Variants in LILRA4 observed in about 807,000 individuals in gnomAD.
The protein encoded by LILRA4 is leukocyte immunoglobulin-like receptor subfamily A member 4.
Under a neutral mutation model 49.5 loss-of-function variants are expected in LILRA4, and 51 were observed. The observed-to-expected ratio is 1.03, with a 90% CI of 0.82 to 1.30. The LOEUF (loss-of-function observed/expected upper bound fraction) is 1.30, where lower values mean the gene tolerates loss of function less well. Among genes scored for constraint, LILRA4 ranks in the 50% most tolerant of loss-of-function variants. LILRA4 has a pLI of 0.00. For missense variants in LILRA4, 624 were observed against 625.6 expected, an observed-to-expected ratio of 1.00 and a Z score of 0.03; for synonymous variants, 272 against 265.6, an observed-to-expected ratio of 1.02 and a Z score of -0.23.
intron 6 of LILRA4, chr19:54,336,456 C>T (rs993336039): frequency 3.3e-6 from 1 of 298,756 alleles, no homozygotes; most frequent in African/African-American, 2.2e-5. Context: ...AGGCTCACCC[C>T]CACCTGCTTG....
Position 54,336,934 on chromosome 19 carries a change from C to T in LILRA4, c.1162G>A (p.Ala388Thr), listed in dbSNP as rs994265901. 4.3e-6 allele frequency: 7 copies of T among 1,614,120 alleles called. No homozygotes were observed. The African/African-American group carries it at 9.3e-5, about 22-fold the overall frequency. ...AEFPMSPVTS[A>T]HAGTYRCYGS... ...TAGCACCTGTAGGTCCCCGCGTGGG[C>T]TGAGGTCACAGGACTCATGGGGAAT... The change falls in exon 6 of 8, where the codon GCC becomes ACC. Residue 388 changes from alanine to threonine, a missense_variant. Ala to Thr is a moderately conservative substitution (Grantham distance 58). Coordinates refer to ENST00000291759, the MANE Select transcript of LILRA4 (RefSeq NM_012276.5).
At chr19:54,334,215 TAAG>T (rs1231555458) in intron 6 of LILRA4, 1 of 507,040 alleles carries the variant, frequency 2.0e-6, no homozygotes. Flanking sequence ...TCAGGATTAG[TAAG>T]AAGAATGATC....
intron 6 of LILRA4, chr19:54,335,171 C>T (rs1050530942): frequency 2.0e-5 from 3 of 152,068 alleles, no homozygotes; most frequent in African/African-American, 7.2e-5. Flanking sequence ...ACATGCTTTG[C>T]ATTTGTGTCT....
chr19:54,333,837 C>A, intron 7 of LILRA4, 72 bp from the exon 8 acceptor site: 1 of 1,606,684 alleles, frequency 6.2e-7, no homozygotes, highest in Non-Finnish European at 8.5e-7. Context: ...TGGATGTCCA[C>A]CCAGGGTACC....
Position 54,333,701 on chromosome 19 carries a change from C to G in LILRA4, c.1371G>C (p.Leu457=), listed in dbSNP as rs1053926755. Residue 457 remains leucine, a synonymous_variant, in exon 8 of 8, where the codon CTG becomes CTC. Transcript: ENST00000291759. ...CAAATAACAGAATCCCGAGGAACAG[C>G]AGGACCAAGCCAGCCACACCCATGC... ...LIRMGVAGLV[L]LFLGILLFEA... is the part of the protein sequence containing the mutation. 6.2e-7 allele frequency: 1 copy of G among 1,614,004 alleles called. No homozygotes were observed.
rs1214058815 is a variant in LILRA4, at chr19:54,337,533, A to T, written c.819T>A (p.Ala273=). 6.2e-7 allele frequency: 1 copy of T among 1,613,202 alleles called. No individual in the cohort carries two copies. The highest frequency in any genetic ancestry group is 8.5e-7 in the Non-Finnish European group (1 of 1,179,924). Residue 273 remains alanine, a synonymous_variant, in exon 5 of 8, where the codon GCT becomes GCA. Coordinates refer to ENST00000291759, the MANE Select transcript of LILRA4 (RefSeq NM_012276.5). ...GGGTGAAGTTGGCCTGGGAGAGCCC[A>T]GCCTGGGGCTGCCGGCCAGGGCGCT... is the stretch of plus-strand genomic sequence containing the variant. ...LPQRPGRQPQ[A]GLSQANFTLS...
At chr19:54,337,907 T>C (rs774545590) in intron 4 of LILRA4, 29 bp downstream of exon 4, 2 of 1,583,642 alleles carry the variant, frequency 1.3e-6, no homozygotes, top group East Asian at 4.5e-5. Flanking sequence ...GCCCTGACTT[T>C]GTATAAGGAA....
chr19:54,337,368 G>A (rs746902302), intron 5 of LILRA4, 32 bp downstream of exon 5: 25 of 1,606,686 alleles, frequency 1.6e-5, no homozygotes, highest in Admixed American at 6.7e-5. Flanking sequence ...CAGAGCCTGG[G>A]TCCCCCTGAC....
At chr19:54,337,761 C>T in intron 4 of LILRA4, 65 bp from the exon 5 acceptor site, 1 of 1,539,484 alleles carries the variant, frequency 6.5e-7, no homozygotes, top group Non-Finnish European at 8.8e-7. Context: ...CCTTCTGTAG[C>T]CTTCCTCACT....
At position 54,337,039 on chromosome 19, in the gene LILRA4, A is replaced by G. The variant is rs372969745; in HGVS notation, c.1057T>C (p.Phe353Leu). The stretch of plus-strand genomic sequence containing the variant: ...GCTGCCCCCTCCTTGGTCAGAAGGA[A>G]AGTGAACATCGGGTCCCATGACTGA... ...LCQSWDPMFTFLLTKEGAAHP... is the reference protein window; with the variant it reads ...LCQSWDPMFTLLLTKEGAAHP... The change falls in exon 6 of 8, where the codon TTC (phenylalanine) becomes CTC (leucine). Residue 353 changes from phenylalanine to leucine, a missense_variant. Physicochemically the swap from Phe to Leu is conservative, Grantham distance 22 (BLOSUM62 0). Transcript: ENST00000291759. 9 of 1,613,998 alleles carry G rather than the reference A, an allele frequency of 5.6e-6. No individual in the cohort carries two copies. Among genetic ancestry groups the G allele is most frequent in the Non-Finnish European group, 7.6e-6 (9 of 1,180,006 alleles).
chr19:54,333,636 T>A lies in LILRA4; in HGVS notation c.1436A>T (p.Gln479Leu). The A allele has an allele frequency of 6.2e-7, 1 of 1,614,170 alleles. No homozygotes were observed. The highest frequency in any genetic ancestry group is 8.5e-7 in the Non-Finnish European group (1 of 1,180,024). Reference sequence around the variant, plus strand: ...ATTGTCCTTTCTGCTGTTTGCCTCCTGGCTGCACCTTGGGGGGCTTCTCTG... The same window carrying A: ...ATTGTCCTTTCTGCTGTTTGCCTCCAGGCTGCACCTTGGGGGGCTTCTCTG... ...HSQRSPPRCSQEANSRKDNAP... is the reference protein window; with the variant it reads ...HSQRSPPRCSLEANSRKDNAP... The change falls in exon 8 of 8, where the codon CAG becomes CTG. Residue 479 changes from glutamine to leucine, a missense_variant. Transcript: ENST00000291759.
intron 6 of LILRA4, 24 bp from the exon 7 acceptor site, chr19:54,333,989 T>C: frequency 6.2e-7 from 1 of 1,607,696 alleles, no homozygotes. Flanking sequence ...AATAAGGATG[T>C]TGGTGAGAAG....
chr19:54,334,781 A>G (rs1010132187), intron 6 of LILRA4: 1 of 148,868 alleles, frequency 6.7e-6, no homozygotes, highest in Non-Finnish European at 1.5e-5. Context: ...CCTGGCTAAC[A>G]CGGTGAAACC....
At position 54,337,017 on chromosome 19, in the gene LILRA4, GC is replaced by G. The variant is rs765067201; in HGVS notation, c.1078del (p.Ala360GlnfsTer8). On this transcript the variant is annotated frameshift_variant, in exon 6 of 8. Coordinates refer to ENST00000291759, the MANE Select transcript of LILRA4 (RefSeq NM_012276.5). LOFTEE classifies it high-confidence loss of function. The part of the protein sequence containing the change: ...MFTFLLTKEG[A>X]AHPPLRLRSM... ...TCTCAGACGCAACGGGGGATGGGCT[GC>G]CCCCTCCTTGGTCAGAAGGAAAGTG... 3.7e-6 allele frequency: 6 copies of G among 1,614,012 alleles called. No individual in the cohort carries two copies. Among genetic ancestry groups the G allele is most frequent in the Non-Finnish European group, 5.1e-6 (6 of 1,180,024 alleles).
rs1248349375 is a variant in LILRA4 at position 54,338,742 on chromosome 19, C to A, written c.71-62G>T. 1.9e-6 allele frequency: 3 copies of A among 1,584,236 alleles called. No homozygotes were observed. In the Admixed American group the frequency reaches 5.2e-5, roughly 27 times the overall value. ...TCAACCCTCAGATCCCAGCTCTCAG[C>A]CCCAGGACCCCCCTCATCCCCATCA... On this transcript the variant is annotated intron_variant, in intron 2 of 7. Transcript: ENST00000291759.
Position 54,337,573 on chromosome 19 carries a change from GC to G in LILRA4, c.778del (p.Ala260ProfsTer23). 6.2e-7 allele frequency: 1 copy of G among 1,607,762 alleles called. No homozygotes were observed. Among genetic ancestry groups the G allele is most frequent in the Non-Finnish European group, 8.5e-7 (1 of 1,175,920 alleles). ...GCCAGGGCGCTGGGGGAGGCCATCG[GC>G]CCCCTCCTTGTACAGAGTGTATCTG... ...YIRYTLYKEG[A>X]DGLPQRPGRQ... On this transcript the variant is annotated frameshift_variant, in exon 5 of 8. Coordinates refer to ENST00000291759, the MANE Select transcript of LILRA4 (RefSeq NM_012276.5). LOFTEE classifies it high-confidence loss of function.
chr19:54,338,294 CT>C, intron 3 of LILRA4, 59 bp from the exon 4 acceptor site: 1 of 1,593,352 alleles, frequency 6.3e-7, no homozygotes, highest in Non-Finnish European at 8.5e-7. Context: ...CCACCTTATC[CT>C]ACAAGGCTGG....
chr19:54,333,334 GGGGC>G lies in LILRA4; in HGVS notation c.*234_*237del. ...GTGGAGCAGAGCATGAGGTCACAGAGGGGCGGACCCAAACCCACCATAGGGGTGA... is the reference window on the plus strand; with the variant it reads ...GTGGAGCAGAGCATGAGGTCACAGAGGGACCCAAACCCACCATAGGGGTGA... On this transcript the variant is annotated 3_prime_UTR_variant, in exon 8 of 8. Coordinates refer to ENST00000291759, the MANE Select transcript of LILRA4 (RefSeq NM_012276.5). 1 of 574,648 alleles carries G rather than the reference GGGGC, an allele frequency of 1.7e-6. No individual in the cohort carries two copies. The highest frequency in any genetic ancestry group is 3.1e-6 in the Non-Finnish European group (1 of 327,734). The allele number at this position is 574,648 out of a possible 1,614,324, so 35.6% of individuals were successfully genotyped here. A position where few individuals can be genotyped will look rare whatever the true frequency, so the allele number is the denominator to read the frequency against.
In LILRA4 at chr19:54,333,543, C is replaced by T. The variant is rs759677050; in HGVS notation, c.*29G>A. ...TCAGCAGACACTTCCCCAACTGCTGCCCCAGTCTTCCAGAACCTCCTCAGA... is the reference window on the plus strand; with the variant it reads ...TCAGCAGACACTTCCCCAACTGCTGTCCCAGTCTTCCAGAACCTCCTCAGA... On this transcript the variant is annotated 3_prime_UTR_variant, in exon 8 of 8. Transcript: ENST00000291759. 8 of 1,607,908 alleles carry T rather than the reference C, an allele frequency of 5.0e-6. No homozygotes were observed. Among genetic ancestry groups the T allele is most frequent in the Admixed American group, 1.7e-5 (1 of 59,260 alleles).
Sources: gnomAD v4.1 joint callset for allele counts on GRCh38, gnomAD v4.1.1 for gene constraint, MANE v1.5 for transcripts, NCBI Gene and HGNC (gene_info 2026-07-23, HGNC 2026-07-21) for gene names.